CYB561: variants seen among roughly 807,000 people sequenced by gnomAD.
CYB561 encodes the protein transmembrane ascorbate-dependent reductase CYB561.
In CYB561, 11 loss-of-function variants were observed where a neutral mutation model predicts 25.3. That is an observed-to-expected ratio of 0.44 (90% CI 0.27 to 0.72). The LOEUF is 0.72. Ranked by LOEUF, CYB561 falls within the 30% of genes least tolerant of loss-of-function variation. The pLI is 0.18. For synonymous variants in CYB561, 165 were observed against 158.8 expected, an observed-to-expected ratio of 1.04 and a Z score of -0.29; for missense variants, 295 against 334.9, an observed-to-expected ratio of 0.88 and a Z score of 0.93.
intron 3 of CYB561, 110 bp downstream of exon 3, chr17:63,435,944 G>T (rs1421479780): frequency 4.3e-5 from 68 of 1,594,864 alleles, no homozygotes; most frequent in Non-Finnish European, 4.1e-5. Context: ...TGTTTGGGGT[G>T]GGGGCGGGCC....
chr17:63,435,205 A>G lies in CYB561; in HGVS notation c.444T>C (p.Ala148=), dbSNP rs758046078. The G allele has an allele frequency of 6.2e-7, 1 of 1,613,954 alleles. No individual in the cohort carries two copies. The highest frequency in any genetic ancestry group is 1.3e-5 in the African/African-American group (1 of 74,950). ...VGFSFFLFPG[A]SFSLRSRYRP... ...GGTAGCGGCTCCGCAGGGAGAATGA[A>G]GCTCCGGGGAACAGGAAGAAGCTGA... Residue 148 remains alanine (A), a synonymous_variant, in exon 5 of 6, where the codon GCT becomes GCC. Coordinates refer to ENST00000360793, the MANE Select transcript of CYB561 (RefSeq NM_001915.4).
chr17:63,435,257 G>A lies in CYB561; in HGVS notation c.406-14C>T. Reference sequence around the variant, plus strand: ...GCCCACCAGCCACTAGGATTTGAAAGGAGACGGTTCCGGGACAGGGCGGCC... The same window carrying A: ...GCCCACCAGCCACTAGGATTTGAAAAGAGACGGTTCCGGGACAGGGCGGCC... On this transcript the variant is annotated splice_polypyrimidine_tract_variant and intron_variant, in intron 4 of 5. Coordinates refer to ENST00000360793, the MANE Select transcript of CYB561 (RefSeq NM_001915.4). The A allele has an allele frequency of 6.2e-7, 1 of 1,612,558 alleles. No homozygotes were observed. The highest frequency in any genetic ancestry group is 8.5e-7 in the Non-Finnish European group (1 of 1,179,266).
rs542838239 is a variant in CYB561, at chr17:63,435,421, C to T, written c.406-178G>A. On this transcript the variant is annotated intron_variant, in intron 4 of 5. Transcript: ENST00000360793. ...CACTAAGCGCTTAGGGACAAGGGAC[C>T]GGTCCCCCAACGCTTGAGGCCTTGG... The T allele has an allele frequency of 3.8e-5, 27 of 709,248 alleles. No homozygotes were observed. In the South Asian group the frequency reaches 4.4e-4, roughly 12 times the overall value. 43.9% of individuals were successfully genotyped at this position (709,248 alleles called of 1,614,324 possible).
At position 63,436,257 on chromosome 17, in the gene CYB561, G is replaced by T. The variant is rs2147491473; in HGVS notation, c.203-105C>A. On this transcript the variant is annotated intron_variant, in intron 2 of 5. Coordinates refer to ENST00000360793, the MANE Select transcript of CYB561 (RefSeq NM_001915.4). The surrounding 1 kb of genome is among the most constrained non-coding windows in gnomAD (Gnocchi z 4.8). Reference sequence around the variant, plus strand: ...GGTGGAGAGGTGATGTGAGCTGACGGCTTGTAACAGGAGCCTAGCTGCAGG... The same window carrying T: ...GGTGGAGAGGTGATGTGAGCTGACGTCTTGTAACAGGAGCCTAGCTGCAGG... 2 of 1,372,022 alleles carry T rather than the reference G, an allele frequency of 1.5e-6. No homozygotes were observed. The highest frequency in any genetic ancestry group is 2.0e-6 in the Non-Finnish European group (2 of 1,003,280). 85.0% of individuals were successfully genotyped at this position (1,372,022 alleles called of 1,614,324 possible).
chr17:63,434,121 G>GACCAGGACCGAAC lies in CYB561; in HGVS notation c.*268_*280dup. 5.0e-6 allele frequency: 2 copies of GACCAGGACCGAAC among 400,940 alleles called. No homozygotes were observed. The highest frequency in any genetic ancestry group is 4.5e-6 in the Non-Finnish European group (1 of 223,772). 24.8% of individuals were successfully genotyped at this position (400,940 alleles called of 1,614,324 possible). On this transcript the variant is annotated 3_prime_UTR_variant, in exon 6 of 6. Coordinates refer to ENST00000360793, the MANE Select transcript of CYB561 (RefSeq NM_001915.4). ...GCTTCTTTAAAGATCTGTGCTCTGC[G>GACCAGGACCGAAC]ACCAGGACCGAACACCCGAAGTCCT...
chr17:63,437,571 G>A lies in CYB561; in HGVS notation c.-13-11C>T. On this transcript the variant is annotated splice_polypyrimidine_tract_variant and intron_variant, in intron 1 of 5. Transcript: ENST00000360793. ...ATGCTGAGGCAAACGCTGCAAGAAA[G>A]AGCAGAGCTCAGAGGAGCAGCGCAC... 1 of 1,599,132 alleles carries A rather than the reference G, an allele frequency of 6.3e-7. No individual in the cohort carries two copies. Among genetic ancestry groups the A allele is most frequent in the Non-Finnish European group, 8.5e-7 (1 of 1,177,984 alleles).
intron 1 of CYB561, among the ~76,000 whole-genome samples, chr17:63,439,528 G>C (rs1568024849): frequency 6.6e-6 from 1 of 150,420 alleles, no homozygotes; most frequent in Non-Finnish European, 1.5e-5. Context: ...ATGAGACTCT[G>C]TCTCAAAAAA....
At chr17:63,440,299 CT>C (rs2049361817) in intron 1 of CYB561, 1 of 398,594 alleles carries the variant, frequency 2.5e-6, no homozygotes, top group South Asian at 1.3e-4. Context: ...GGCTGCCCTT[CT>C]TCCGGGCCCA....
chr17:63,446,427 T>G (rs1432195000), upstream of CYB561: 1 of 151,710 alleles, frequency 6.6e-6, no homozygotes, highest in Non-Finnish European at 1.5e-5. Flanking sequence ...GTCCCCGCGG[T>G]TGCGGCCACG....
Position 63,434,034 on chromosome 17 carries a change from C to A in CYB561, c.*368G>T. ...CTTTCCAGGCCTGTCCCTGAGGCCC[C>A]CCCAGTTTCCCCTGGCCTTGCCCCA... On this transcript the variant is annotated 3_prime_UTR_variant, in exon 6 of 6. Transcript: ENST00000360793. The A allele has an allele frequency of 4.0e-6, 1 of 251,796 alleles. No individual in the cohort carries two copies. Among genetic ancestry groups the A allele is most frequent in the South Asian group, 1.5e-4 (1 of 6,646 alleles). 15.6% of individuals were successfully genotyped at this position (251,796 alleles called of 1,614,324 possible).
At chr17:63,438,366 C>A in intron 1 of CYB561, 1 of 659,890 alleles carries the variant, frequency 1.5e-6, no homozygotes, top group Non-Finnish European at 2.6e-6. Flanking sequence ...TGGGAAGTCT[C>A]CCTCCCCCAT....
chr17:63,436,199 A>G lies in CYB561; in HGVS notation c.203-47T>C. The G allele has an allele frequency of 6.3e-7, 1 of 1,597,852 alleles. No individual in the cohort carries two copies. The highest frequency in any genetic ancestry group is 8.6e-7 in the Non-Finnish European group (1 of 1,168,026). On this transcript the variant is annotated intron_variant, in intron 2 of 5. Transcript: ENST00000360793. This position sits in a 1 kb window ranked among gnomAD's most constrained non-coding sequence, Gnocchi z 4.8. Reference sequence around the variant, plus strand: ...ACGTGAGTGCATCCGCCTGTGCGTGAGGCCTCCTGCCCCAGCAGCAAGGAG... The same window carrying G: ...ACGTGAGTGCATCCGCCTGTGCGTGGGGCCTCCTGCCCCAGCAGCAAGGAG...
rs1481599673 is a variant in CYB561 at position 63,435,731 on chromosome 17, T to C, written c.362A>G (p.His121Arg). The change falls in exon 4 of 6, where the codon CAC becomes CGC. Residue 121 changes from histidine (H) to arginine (R), a missense_variant. Transcript: ENST00000360793. ...AAAGACAAGGATCCCGCACCAGCTG[T>C]GTAGGCTGTACAGGTCAGCGTAGCC... is the stretch of plus-strand genomic sequence containing the variant. ...KKGYADLYSL[H>R]SWCGILVFVL... The C allele has an allele frequency of 1.9e-6, 3 of 1,614,210 alleles. No individual in the cohort carries two copies. The highest frequency in any genetic ancestry group is 2.2e-5 in the South Asian group (2 of 91,084).
intron 1 of CYB561, among the ~76,000 whole-genome samples, chr17:63,439,593 C>T (rs1288090170): frequency 1.3e-5 from 2 of 151,966 alleles, no homozygotes; most frequent in East Asian, 3.9e-4. Context: ...AATCCACACG[C>T]ACTGCAGTAG....
At position 63,436,084 on chromosome 17, in the gene CYB561, G is replaced by A. The variant is rs774453657; in HGVS notation, c.271C>T (p.His91Tyr). The part of the protein sequence containing the change: ...RTTKVLHGLL[H>Y]IFALVIALVG... ...AGGGCGATGACGAGCGCAAAGATGT[G>A]CAGCAGCCCGTGCAGGACCTTGGTG... The change falls in exon 3 of 6, where the codon CAC becomes TAC. Residue 91 changes from histidine to tyrosine, a missense_variant. By Grantham distance (83) the His-to-Tyr change is moderately conservative. Transcript: ENST00000360793. This position sits in a 1 kb window ranked among gnomAD's most constrained non-coding sequence, Gnocchi z 4.8. 6.2e-7 allele frequency: 1 copy of A among 1,614,238 alleles called. No individual in the cohort carries two copies. The highest frequency in any genetic ancestry group is 1.3e-5 in the African/African-American group (1 of 75,068).
At chr17:63,437,771 G>C in intron 1 of CYB561, 1 of 455,444 alleles carries the variant, frequency 2.2e-6, no homozygotes. Flanking sequence ...CCTGCTAGAT[G>C]CGCGCAACAC....
intron 1 of CYB561, among the ~76,000 whole-genome samples, chr17:63,445,100 C>T (rs1184626914): frequency 6.6e-6 from 1 of 152,082 alleles, no homozygotes; most frequent in Non-Finnish European, 1.5e-5. Flanking sequence ...CGCTTGAACC[C>T]GGAAGATGGA....
intron 1 of CYB561, among the ~76,000 whole-genome samples, chr17:63,444,672 G>A (rs998062923): frequency 1.3e-5 from 2 of 152,210 alleles, no homozygotes; most frequent in Admixed American, 1.3e-4. Flanking sequence ...ACACAGGATG[G>A]TCTGCTTTTA....
chr17:63,435,140 A>T lies in CYB561; in HGVS notation c.509T>A (p.Leu170His), dbSNP rs2147489101. The stretch of plus-strand genomic sequence containing the variant: ...GCCCAGCAGGGCGGTGCCCACGGAA[A>T]GGAGGAAGATGGTAGCACCAAAGAA... Reference protein sequence around the residue: ...HIFFGATIFLLSVGTALLGLK... With the variant: ...HIFFGATIFLHSVGTALLGLK... Residue 170 changes from leucine (L) to histidine (H), a missense_variant, in exon 5 of 6, where the codon CTT becomes CAT. By Grantham distance (99) the Leu-to-His change is moderately conservative (BLOSUM62 -3). Coordinates refer to ENST00000360793, the MANE Select transcript of CYB561 (RefSeq NM_001915.4). 1 of 1,614,230 alleles carries T rather than the reference A, an allele frequency of 6.2e-7. No individual in the cohort carries two copies. The highest frequency in any genetic ancestry group is 1.3e-5 in the African/African-American group (1 of 75,074).
Sources: gnomAD v4.1 joint callset for allele counts (sites outside exome capture counted in the v4.1 genomes callset) on GRCh38, gnomAD v4.1.1 for gene constraint, Gnocchi (gnomAD v3.1) non-coding constraint, MANE v1.5 for transcripts, NCBI Gene and HGNC (gene_info 2026-07-23, HGNC 2026-07-21) for gene names.